Variants in FHIT observed in about 807,000 individuals in gnomAD.
The protein encoded by FHIT is bis(5'-adenosyl)-triphosphatase.
FHIT carries 19 observed loss-of-function variants against 17.9 expected under a neutral mutation model. The ratio of observed to expected loss-of-function variants is 1.06; its 90% CI spans 0.74 to 1.56. The LOEUF (loss-of-function observed/expected upper bound fraction) is 1.56, where lower values mean the gene tolerates loss of function less well. Among genes scored for constraint, FHIT ranks in the 40% most tolerant of loss-of-function variants. FHIT has a pLI of 0.00. For synonymous variants in FHIT, 81 were observed against 69.7 expected (o/e 1.16, Z -0.81); for missense variants, 248 against 189.2 (o/e 1.31, Z -1.82).
rs1390894058 is a variant in FHIT at position 59,878,675 on chromosome 3, A to G, written c.348+43671T>C. Among the ~76,000 whole-genome samples the G allele has an allele frequency of 2.0e-4, 30 of 152,238 alleles. 1 individual carries two copies. Among genetic ancestry groups the G allele is most frequent in the Admixed American group, 1.8e-3 (27 of 15,282 alleles). On this transcript the variant is annotated intron_variant, in intron 8 of 9. Coordinates refer to ENST00000492590, the MANE Select transcript of FHIT (RefSeq NM_002012.4). ...GAAGAGAAAGTGCAAGAAAAACAATATAAAGACATTATTAACTGTGTGATC... is the reference window on the plus strand; with the variant it reads ...GAAGAGAAAGTGCAAGAAAAACAATGTAAAGACATTATTAACTGTGTGATC...
At chr3:59,967,867 T>A (rs680467) in intron 7 of FHIT, among the ~76,000 whole-genome samples, 152,193 of 152,194 alleles carry the variant, frequency 1, 76,096 homozygotes, top group Non-Finnish European at 1. Flanking sequence ...AAGAAGAAAG[T>A]CTAAGAAACA....
intron 5 of FHIT, among the ~76,000 whole-genome samples, chr3:60,519,828 A>G (rs1055434754): frequency 3.9e-5 from 6 of 152,138 alleles, no homozygotes; most frequent in Non-Finnish European, 5.9e-5. Context: ...TTCCAGGTTT[A>G]TGGTATGCAT....
chr3:60,295,008 TG>T (rs1485155031), intron 5 of FHIT, among the ~76,000 whole-genome samples: 1 of 152,162 alleles, frequency 6.6e-6, no homozygotes, highest in Non-Finnish European at 1.5e-5. Context: ...GGTTTTTGTG[TG>T]GATCCAAGTT....
chr3:60,781,054 G>C (rs1700369325), intron 4 of FHIT, among the ~76,000 whole-genome samples: 1 of 152,138 alleles, frequency 6.6e-6, no homozygotes, highest in Non-Finnish European at 1.5e-5. Flanking sequence ...CTCTTTAGCT[G>C]AACTAAGGAA....
At chr3:59,749,839 C>A in intron 9 of FHIT, 1 of 224,096 alleles carries the variant, frequency 4.5e-6, no homozygotes, top group Non-Finnish European at 8.9e-6. Context: ...TATAGTTAGT[C>A]CCATTATACT....
chr3:60,926,297 T>C (rs1707607693), intron 3 of FHIT, among the ~76,000 whole-genome samples: 1 of 152,174 alleles, frequency 6.6e-6, no homozygotes, highest in Non-Finnish European at 1.5e-5. Flanking sequence ...ATTGACTACA[T>C]AGTTGGAAGT....
intron 5 of FHIT, among the ~76,000 whole-genome samples, chr3:60,161,380 G>A (rs1458953520): frequency 6.6e-6 from 1 of 152,176 alleles, no homozygotes; most frequent in Non-Finnish European, 1.5e-5. Context: ...TTCCACAACT[G>A]TGATGAGGGT....
chr3:60,859,307 A>C (rs1477912737), intron 3 of FHIT, among the ~76,000 whole-genome samples: 1 of 152,168 alleles, frequency 6.6e-6, no homozygotes, highest in Non-Finnish European at 1.5e-5. Flanking sequence ...GTAAATTACT[A>C]TGCGTGCACA....
At chr3:60,342,652 C>G (rs1391111925) in intron 5 of FHIT, among the ~76,000 whole-genome samples, 1 of 151,974 alleles carries the variant, frequency 6.6e-6, no homozygotes, top group Admixed American at 6.6e-5. Flanking sequence ...CAACATGGAA[C>G]ACAGAAAGAG....
At chr3:60,044,088 A>G (rs962255881) in intron 5 of FHIT, among the ~76,000 whole-genome samples, 1 of 152,164 alleles carries the variant, frequency 6.6e-6, no homozygotes, top group East Asian at 1.9e-4. Flanking sequence ...TTTGCCTTTG[A>G]CTTCTGCTGA....
chr3:59,968,478 T>A (rs75548882), intron 7 of FHIT, among the ~76,000 whole-genome samples: 1 of 149,976 alleles, frequency 6.7e-6, no homozygotes, highest in South Asian at 2.1e-4. Flanking sequence ...AAAAAAAAAA[T>A]AGTTGTACCT....
intron 5 of FHIT, among the ~76,000 whole-genome samples, chr3:60,472,836 T>C (rs964697182): frequency 2.6e-5 from 4 of 151,998 alleles, no homozygotes; most frequent in Non-Finnish European, 4.4e-5. Flanking sequence ...AAAACCAAGT[T>C]GGGGGTGGGG....
intron 8 of FHIT, among the ~76,000 whole-genome samples, chr3:59,862,044 G>C (rs1004089716): frequency 6.6e-6 from 1 of 152,016 alleles, no homozygotes; most frequent in African/African-American, 2.4e-5. Context: ...TGATGCTACA[G>C]TGTACCCTGC....
chr3:60,051,326 CTTTTTT>C (rs773498624), intron 5 of FHIT, among the ~76,000 whole-genome samples: 1 of 131,904 alleles, frequency 7.6e-6, no homozygotes. Context: ...ATTTAGGATG[CTTTTTT>C]TTTTTTTTTT....
chr3:59,984,260 T>C (rs1708787223), intron 7 of FHIT, among the ~76,000 whole-genome samples: 1 of 151,990 alleles, frequency 6.6e-6, no homozygotes, highest in South Asian at 2.1e-4. Context: ...TGAGTACAAA[T>C]GGATTATTTG....
chr3:59,908,973 G>C (rs542029075), intron 8 of FHIT, among the ~76,000 whole-genome samples: 2 of 151,970 alleles, frequency 1.3e-5, no homozygotes, highest in East Asian at 3.9e-4. Context: ...AAACAAATGG[G>C]AATATAAAAC....
chr3:60,444,668 G>T (rs557998177), intron 5 of FHIT, among the ~76,000 whole-genome samples: 1 of 152,112 alleles, frequency 6.6e-6, no homozygotes, highest in African/African-American at 2.4e-5. Context: ...ACACAGGAAA[G>T]GGAACATCAC....
intron 4 of FHIT, among the ~76,000 whole-genome samples, chr3:60,693,920 C>G (rs946455035): frequency 2.6e-5 from 4 of 152,182 alleles, no homozygotes; most frequent in Non-Finnish European, 5.9e-5. Flanking sequence ...GCATCCTCTA[C>G]TATTAGTCTG....
chr3:60,182,119 G>C (rs1468152549), intron 5 of FHIT, among the ~76,000 whole-genome samples: 2 of 152,180 alleles, frequency 1.3e-5, no homozygotes, highest in Admixed American at 6.5e-5. Flanking sequence ...CTTGTAAACT[G>C]TCCTGGCGCC....
Sources: allele counts gnomAD v4.1 joint callset (sites outside exome capture counted in the v4.1 genomes callset), GRCh38; gene constraint gnomAD v4.1.1; transcripts MANE v1.5; gene names NCBI Gene and HGNC (gene_info 2026-07-23, HGNC 2026-07-21).